Variants in AGBL4 observed in about 807,000 individuals in gnomAD.
AGBL4 encodes the protein AGBL carboxypeptidase 4.
A neutral mutation model predicts 66.4 loss-of-function variants in AGBL4; 58 were observed. That is an observed-to-expected ratio of 0.87 (90% CI 0.71 to 1.09). The LOEUF is 1.09. Ranked by LOEUF, AGBL4 falls within the 50% of genes least tolerant of loss-of-function variation. The pLI is 0.00. For missense variants in AGBL4, 579 were observed against 631.0 expected (o/e 0.92, Z 0.88); for synonymous variants, 234 against 222.9 (o/e 1.05, Z -0.44).
At chr1:49,076,766 C>T (rs920709401) in intron 4 of AGBL4, among the ~76,000 whole-genome samples, 2 of 152,164 alleles carry the variant, frequency 1.3e-5, no homozygotes, top group Non-Finnish European at 2.9e-5. Flanking sequence ...TGGGTTGGCA[C>T]AGACTAAATA....
At chr1:49,834,481 T>C (rs752634199) in intron 2 of AGBL4, among the ~76,000 whole-genome samples, 33 of 152,336 alleles carry the variant, frequency 2.2e-4, no homozygotes, top group Non-Finnish European at 4.4e-4. Flanking sequence ...CTTTTCTTCT[T>C]TATTAGTCTG....
At chr1:48,876,252 C>A (rs557733004) in intron 5 of AGBL4, among the ~76,000 whole-genome samples, 1 of 152,266 alleles carries the variant, frequency 6.6e-6, no homozygotes, top group East Asian at 1.9e-4. Flanking sequence ...ATACAGAAAC[C>A]TCGATCAAGT....
At chr1:49,452,667 G>T (rs1296981068) in intron 3 of AGBL4, among the ~76,000 whole-genome samples, 1 of 151,764 alleles carries the variant, frequency 6.6e-6, no homozygotes, top group Non-Finnish European at 1.5e-5. Context: ...AGAATTAATT[G>T]TTGTTACTTC....
chr1:49,793,599 A>G (rs539722552), intron 2 of AGBL4, among the ~76,000 whole-genome samples: 1 of 152,070 alleles, frequency 6.6e-6, no homozygotes, highest in African/African-American at 2.4e-5. Flanking sequence ...GTCTCAACAT[A>G]ATGATGGGGA....
chr1:49,951,366 G>A (rs1336171269), intron 1 of AGBL4, among the ~76,000 whole-genome samples: 3 of 151,770 alleles, frequency 2.0e-5, no homozygotes, highest in Non-Finnish European at 4.4e-5. Context: ...ATGTGTGCCT[G>A]ATAACAAGAA....
intron 6 of AGBL4, among the ~76,000 whole-genome samples, chr1:48,686,075 C>G (rs556536430): frequency 1.2e-4 from 18 of 152,180 alleles, no homozygotes; most frequent in Non-Finnish European, 2.6e-4. Context: ...TATGAGATAG[C>G]CATTGTCATC....
chr1:48,918,211 A>G (rs1485520427), intron 5 of AGBL4, among the ~76,000 whole-genome samples: 1 of 152,210 alleles, frequency 6.6e-6, no homozygotes, highest in Non-Finnish European at 1.5e-5. Flanking sequence ...TGGGGGCCTC[A>G]TTATCCCCCA....
intron 3 of AGBL4, among the ~76,000 whole-genome samples, chr1:49,256,315 A>T (rs1307310295): frequency 1.3e-5 from 2 of 152,138 alleles, no homozygotes; most frequent in Non-Finnish European, 2.9e-5. Context: ...TATATCAATT[A>T]AAAAATTATA....
At chr1:49,019,787 G>A (rs1663102568) in intron 5 of AGBL4, among the ~76,000 whole-genome samples, 1 of 152,138 alleles carries the variant, frequency 6.6e-6, no homozygotes, top group Admixed American at 6.5e-5. Flanking sequence ...ACAGACTTTT[G>A]AGACAAATTT....
intron 3 of AGBL4, among the ~76,000 whole-genome samples, chr1:49,401,787 C>A (rs1471391207): frequency 2.0e-5 from 3 of 152,088 alleles, no homozygotes; most frequent in Non-Finnish European, 4.4e-5. Flanking sequence ...TGGTAGAATT[C>A]AACAATGAAA....
At chr1:49,743,749 C>T (rs938756603) in intron 2 of AGBL4, among the ~76,000 whole-genome samples, 3 of 151,906 alleles carry the variant, frequency 2.0e-5, no homozygotes, top group Non-Finnish European at 2.9e-5. Flanking sequence ...TCACGTCCTT[C>T]GTAGGGCCAT....
At chr1:48,722,482 G>A (rs1042971582) in intron 6 of AGBL4, among the ~76,000 whole-genome samples, 1 of 140,290 alleles carries the variant, frequency 7.1e-6, no homozygotes, top group African/African-American at 2.6e-5. Flanking sequence ...TAATGAGTAG[G>A]GGGACTGGGG....
At chr1:49,176,336 G>A (rs140947363) in intron 4 of AGBL4, among the ~76,000 whole-genome samples, 18 of 152,212 alleles carry the variant, frequency 1.2e-4, no homozygotes, top group Non-Finnish European at 2.1e-4. Context: ...CCTAGGTAAG[G>A]AGCCCAGACA....
chr1:48,975,141 A>C (rs1288751595), intron 5 of AGBL4, among the ~76,000 whole-genome samples: 1 of 152,130 alleles, frequency 6.6e-6, no homozygotes, highest in Non-Finnish European at 1.5e-5. Flanking sequence ...AAAAATGTCT[A>C]GGGGTCTGGG....
intron 5 of AGBL4, among the ~76,000 whole-genome samples, chr1:48,901,090 T>A (rs922963579): frequency 6.6e-6 from 1 of 152,156 alleles, no homozygotes; most frequent in Non-Finnish European, 1.5e-5. Flanking sequence ...CTGAAGGAGA[T>A]GTATAGATGG....
intron 5 of AGBL4, among the ~76,000 whole-genome samples, chr1:49,011,397 G>A (rs368565104): frequency 2.6e-5 from 4 of 152,040 alleles, no homozygotes; most frequent in Non-Finnish European, 4.4e-5. Flanking sequence ...GCTGGAGAGG[G>A]TGTGGAGAAA....
intron 3 of AGBL4, among the ~76,000 whole-genome samples, chr1:49,530,621 C>T (rs1651062066): frequency 6.6e-6 from 1 of 151,856 alleles, no homozygotes; most frequent in Non-Finnish European, 1.5e-5. Context: ...TCATATGCAC[C>T]ATCCTATTTG....
intron 10 of AGBL4, among the ~76,000 whole-genome samples, 159 bp from the exon 11 acceptor site, chr1:48,587,325 T>C (rs1459996103): frequency 5.9e-5 from 9 of 152,244 alleles, no homozygotes; most frequent in Non-Finnish European, 1.5e-5. Flanking sequence ...TAAATAAACA[T>C]AATTAATGAC....
At chr1:48,767,231 A>G (rs2148678849) in intron 6 of AGBL4, among the ~76,000 whole-genome samples, 1 of 152,226 alleles carries the variant, frequency 6.6e-6, no homozygotes, top group South Asian at 2.1e-4. Context: ...CCTGTCTGAG[A>G]CTCAGTTTCA....
Sources: allele counts gnomAD v4.1 joint callset (sites outside exome capture counted in the v4.1 genomes callset), GRCh38; gene constraint gnomAD v4.1.1; transcripts MANE v1.5; gene names NCBI Gene and HGNC (gene_info 2026-07-23, HGNC 2026-07-21).